PTBP3: variants seen among roughly 807,000 people sequenced by gnomAD.
PTBP3 encodes polypyrimidine tract-binding protein 3.
A neutral mutation model predicts 58.7 loss-of-function variants in PTBP3; 20 were observed. The ratio of observed to expected loss-of-function variants is 0.34; its 90% CI spans 0.24 to 0.50. The LOEUF (loss-of-function observed/expected upper bound fraction) is 0.50. Among genes scored for constraint, PTBP3 ranks in the 20% least tolerant of loss-of-function variants. PTBP3 has a pLI of 0.98. For missense variants in PTBP3, 509 were observed against 637.2 expected (o/e 0.80, Z 2.17); for synonymous variants, 185 against 219.8 (o/e 0.84, Z 1.40).
chr9:112,332,813 G>C, intron 1 of PTBP3: 2 of 1,612,448 alleles, frequency 1.2e-6, no homozygotes, highest in Middle Eastern at 1.7e-4. Context: ...AGTTTCTTGG[G>C]GAGAGAGAAA....
the PTBP3 span, among the ~76,000 whole-genome samples, chr9:112,357,141 CAA>C: frequency 6.6e-6 from 1 of 152,022 alleles, no homozygotes; most frequent in Non-Finnish European, 1.5e-5. Flanking sequence ...CTCAGCCTCC[CAA>C]AGTGTTGAGA....
chr9:112,271,131 G>T (rs376016303), intron 3 of PTBP3, among the ~76,000 whole-genome samples: 9 of 152,084 alleles, frequency 5.9e-5, no homozygotes, highest in African/African-American at 2.2e-4. Context: ...TCAGCTTTAG[G>T]TTCCTTTTTA....
At chr9:112,298,557 A>G (rs775835483) in intron 1 of PTBP3, 2 of 509,540 alleles carry the variant, frequency 3.9e-6, no homozygotes, top group Admixed American at 4.0e-5. Context: ...TTAAAAGATT[A>G]CTTTCAGGAA....
intron 1 of PTBP3, among the ~76,000 whole-genome samples, chr9:112,314,267 T>C (rs964407131): frequency 6.6e-6 from 1 of 152,156 alleles, no homozygotes; most frequent in African/African-American, 2.4e-5. Context: ...TTAGACAAAG[T>C]ACACTTCAAG....
intron 1 of PTBP3, among the ~76,000 whole-genome samples, chr9:112,309,210 T>C (rs950948687): frequency 6.6e-6 from 1 of 152,086 alleles, no homozygotes; most frequent in Non-Finnish European, 1.5e-5. Flanking sequence ...CTTTTTTTTT[T>C]AAATTAATAG....
intron 2 of PTBP3, 56 bp from the exon 3 acceptor site, chr9:112,276,069 T>G: frequency 6.9e-7 from 1 of 1,458,424 alleles, no homozygotes; most frequent in Non-Finnish European, 9.6e-7. Context: ...GTTGACATAC[T>G]ACATTAATCA....
chr9:112,231,203 A>G lies in PTBP3; in HGVS notation c.1054+177T>C, dbSNP rs11999301. On this transcript the variant is annotated intron_variant, in intron 10 of 13. Coordinates refer to ENST00000374257, the MANE Select transcript of PTBP3 (RefSeq NM_001163788.4). ...GCGTTACACTCCCTTTACAAAACCTATATTTCCCATACTATAAATCATCAC... is the reference window on the plus strand; with the variant it reads ...GCGTTACACTCCCTTTACAAAACCTGTATTTCCCATACTATAAATCATCAC... Among the ~76,000 whole-genome samples, 968 of 150,272 alleles carry G rather than the reference A, an allele frequency of 6.4e-3. 86 individuals carry two copies. The highest frequency in any genetic ancestry group is 0.023 in the African/African-American group (907 of 39,758).
chr9:112,359,776 TG>T, the PTBP3 span, among the ~76,000 whole-genome samples: 1 of 151,954 alleles, frequency 6.6e-6, no homozygotes, highest in Middle Eastern at 3.2e-3. Flanking sequence ...GCCGAGATCG[TG>T]CCATTGCACT....
At chr9:112,307,697 T>C (rs1207515575) in intron 1 of PTBP3, among the ~76,000 whole-genome samples, 1 of 152,224 alleles carries the variant, frequency 6.6e-6, no homozygotes, top group Non-Finnish European at 1.5e-5. Context: ...AGCCAAGTTT[T>C]TTCCCAAGAA....
intron 2 of PTBP3, 87 bp downstream of exon 2, chr9:112,297,745 A>G (rs1246988010): frequency 1.2e-5 from 13 of 1,130,112 alleles, no homozygotes; most frequent in Non-Finnish European, 1.6e-5. Flanking sequence ...GTGGCACTTC[A>G]ACATGATATA....
At chr9:112,341,679 T>C in the PTBP3 span, among the ~76,000 whole-genome samples, 1 of 152,168 alleles carries the variant, frequency 6.6e-6, no homozygotes, top group Admixed American at 6.5e-5. Context: ...ATATCAATGG[T>C]TTATATTCTT....
the PTBP3 span, among the ~76,000 whole-genome samples, chr9:112,354,605 T>G: frequency 2.1e-4 from 32 of 152,146 alleles, no homozygotes; most frequent in Non-Finnish European, 4.1e-4. Flanking sequence ...AATCAAGAAT[T>G]TAATTTAGTA....
At chr9:112,264,534 C>T (rs1836721241) in intron 4 of PTBP3, among the ~76,000 whole-genome samples, 1 of 152,138 alleles carries the variant, frequency 6.6e-6, no homozygotes, top group African/African-American at 2.4e-5. Context: ...GGATAGCTTG[C>T]TATTCAGAGA....
rs7855745 is a variant in PTBP3, at chr9:112,220,183, T to C, written c.*3668A>G. The C allele has an allele frequency of 0.49, 660,543 of 1,336,768 alleles. 167,707 individuals are homozygous for C. The highest frequency in any genetic ancestry group is 0.81 in the African/African-American group (54,377 of 67,474). The allele number at this position is 1,336,768 out of a possible 1,614,324, so 82.8% of individuals were successfully genotyped here. ...CACATGTACTTTTGTCAATTTTTTG[T>C]CCAAAAATATCTCGTGGGAACAGAA... On this transcript the variant is annotated 3_prime_UTR_variant, in exon 14 of 14. Transcript: ENST00000374257.
At chr9:112,364,736 T>C in the PTBP3 span, among the ~76,000 whole-genome samples, 1 of 152,196 alleles carries the variant, frequency 6.6e-6, no homozygotes, top group African/African-American at 2.4e-5. Flanking sequence ...ATGGCACCAA[T>C]TGACTTGCGT....
At chr9:112,335,352 C>A (rs1360971057), upstream of PTBP3, among the ~76,000 whole-genome samples, 1 of 151,920 alleles carries the variant, frequency 6.6e-6, no homozygotes, top group African/African-American at 2.4e-5. Context: ...GTGGCACAAT[C>A]TGAGCTCACT....
At chr9:112,357,433 C>T in the PTBP3 span, among the ~76,000 whole-genome samples, 13 of 152,248 alleles carry the variant, frequency 8.5e-5, no homozygotes, top group South Asian at 2.1e-4. Context: ...TCACTGCAGC[C>T]TCGACCTTCC....
chr9:112,272,826 A>G (rs1452066067), intron 3 of PTBP3: 3 of 152,240 alleles, frequency 2.0e-5, no homozygotes, highest in African/African-American at 7.2e-5. Flanking sequence ...TGCCACCAAG[A>G]CCAGGCACAA....
intron 1 of PTBP3, among the ~76,000 whole-genome samples, chr9:112,328,030 T>A (rs1027489786): frequency 2.0e-5 from 3 of 152,246 alleles, no homozygotes; most frequent in Non-Finnish European, 4.4e-5. Context: ...TTTCTTTCTC[T>A]AAAACGATGG....
Sources: allele counts gnomAD v4.1 joint callset (sites outside exome capture counted in the v4.1 genomes callset), GRCh38; gene constraint gnomAD v4.1.1; transcripts MANE v1.5; gene names NCBI Gene and HGNC (gene_info 2026-07-23, HGNC 2026-07-21).